Variants in DMRT1 observed in about 807,000 individuals in gnomAD.
The protein encoded by DMRT1 is doublesex- and mab-3-related transcription factor 1.
A neutral mutation model predicts 32.3 loss-of-function variants in DMRT1; 7 were observed. The observed-to-expected ratio is 0.22, with a 90% confidence interval of 0.12 to 0.41. The LOEUF (loss-of-function observed/expected upper bound fraction) is 0.41, where lower values mean the gene tolerates loss of function less well. DMRT1 is among the 10% of genes least tolerant of loss of function. The pLI, the probability that DMRT1 is intolerant of heterozygous loss-of-function variation, is 1.00. For missense variants in DMRT1, 625 were observed against 500.5 expected (o/e 1.25, Z -2.37); for synonymous variants, 278 against 206.1 (o/e 1.35, Z -2.99).
At chr9:911,899 T>C (rs952333087) in intron 3 of DMRT1, among the ~76,000 whole-genome samples, 1 of 152,200 alleles carries the variant, frequency 6.6e-6, no homozygotes, top group Non-Finnish European at 1.5e-5. Context: ...ATGGGTTGTT[T>C]GTGGATTCTT....
intron 3 of DMRT1, among the ~76,000 whole-genome samples, chr9:902,434 TG>T (rs1486336392): frequency 1.3e-5 from 2 of 151,768 alleles, no homozygotes; most frequent in East Asian, 3.9e-4. Context: ...TTAGCAATTA[TG>T]TGGACTTACA....
chr9:890,568 C>A (rs1817105635), intron 2 of DMRT1, among the ~76,000 whole-genome samples: 1 of 152,092 alleles, frequency 6.6e-6, no homozygotes, highest in African/African-American at 2.4e-5. Context: ...TAGTTTTGCC[C>A]TCTCCCTTGC....
chr9:913,458 C>T (rs1484516360), intron 3 of DMRT1, among the ~76,000 whole-genome samples: 1 of 152,056 alleles, frequency 6.6e-6, no homozygotes, highest in Admixed American at 6.5e-5. Context: ...TAGATGGCAA[C>T]AGACCCCTGA....
chr9:965,231 C>T lies in DMRT1; in HGVS notation c.968-2754C>T, dbSNP rs1819896073. ...ATGAGGGGCTATACTTAAACAGATA[C>T]TATCCCTAACTTCAACAGCCTATTA... is the stretch of plus-strand genomic sequence containing the variant. On this transcript the variant is annotated intron_variant, in intron 4 of 4. Transcript: ENST00000382276. The surrounding 1 kb of genome is among the most constrained non-coding windows in gnomAD (Gnocchi z 4.5). Among the ~76,000 whole-genome samples, 1 of 152,210 alleles carries T rather than the reference C, an allele frequency of 6.6e-6. No individual in the cohort carries two copies. The highest frequency in any genetic ancestry group is 2.4e-5 in the African/African-American group (1 of 41,456).
chr9:872,255 G>GT (rs1264148777), intron 2 of DMRT1, among the ~76,000 whole-genome samples: 1 of 151,954 alleles, frequency 6.6e-6, no homozygotes, highest in East Asian at 1.9e-4. Flanking sequence ...TAGAGATAGG[G>GT]TTTCACCATG....
At chr9:844,611 T>C (rs1480963784) in intron 1 of DMRT1, among the ~76,000 whole-genome samples, 3 of 152,190 alleles carry the variant, frequency 2.0e-5, no homozygotes, top group South Asian at 2.1e-4. Context: ...TCGAAGACTT[T>C]TTTTTGGCTA....
chr9:931,816 C>A (rs543376460), intron 4 of DMRT1, among the ~76,000 whole-genome samples: 29 of 152,312 alleles, frequency 1.9e-4, no homozygotes, highest in African/African-American at 6.3e-4. Flanking sequence ...GGAGCTAGGA[C>A]TTCAGTAGTT....
At chr9:846,559 A>G (rs536487299) in intron 1 of DMRT1, among the ~76,000 whole-genome samples, 2 of 152,074 alleles carry the variant, frequency 1.3e-5, no homozygotes, top group East Asian at 3.9e-4. Context: ...CTTATTCTAC[A>G]CAGTCATTTG....
chr9:848,032 T>C (rs1838979389), intron 2 of DMRT1, among the ~76,000 whole-genome samples: 1 of 152,212 alleles, frequency 6.6e-6, no homozygotes, highest in Non-Finnish European at 1.5e-5. Flanking sequence ...TAAAGACCTG[T>C]GGAATCTTGT....
intron 4 of DMRT1, among the ~76,000 whole-genome samples, chr9:967,336 G>T (rs1056371678): frequency 9.2e-5 from 14 of 152,028 alleles, no homozygotes; most frequent in Non-Finnish European, 2.9e-5. Flanking sequence ...ATGTTCCTAG[G>T]TTTGCTTTCA....
intron 3 of DMRT1, among the ~76,000 whole-genome samples, chr9:914,063 C>T (rs1468105429): frequency 6.6e-6 from 1 of 152,150 alleles, no homozygotes; most frequent in Non-Finnish European, 1.5e-5. Context: ...TTCATATGCG[C>T]ATTGAGAGCT....
chr9:931,919 T>A (rs1183277310), intron 4 of DMRT1, among the ~76,000 whole-genome samples: 1 of 152,176 alleles, frequency 6.6e-6, no homozygotes, highest in Non-Finnish European at 1.5e-5. Flanking sequence ...GGTCGGTGTG[T>A]GTAAAATGAA....
chr9:843,310 C>T (rs889156746), intron 1 of DMRT1, among the ~76,000 whole-genome samples: 2 of 152,372 alleles, frequency 1.3e-5, no homozygotes, highest in African/African-American at 2.4e-5. Flanking sequence ...TGCGCGGTTT[C>T]CCTGCGCGCC....
At chr9:890,899 A>T (rs1564227571) in intron 2 of DMRT1, among the ~76,000 whole-genome samples, 2 of 146,062 alleles carry the variant, frequency 1.4e-5, no homozygotes, top group African/African-American at 5.0e-5. Flanking sequence ...TTTTTTTTGT[A>T]TTTTTTTTTT....
chr9:894,276 G>C lies in DMRT1; in HGVS notation c.822+81G>C, dbSNP rs141804132. On this transcript the variant is annotated intron_variant, in intron 3 of 4. Coordinates refer to ENST00000382276, the MANE Select transcript of DMRT1 (RefSeq NM_021951.3). ...GCACACACATGCACATACACACAGA[G>C]GCACACACGCACTTGTGCGCCCAGA... The C allele has an allele frequency of 3.6e-5, 53 of 1,471,970 alleles. No homozygotes were observed. The African/African-American group carries it at 6.1e-4, about 17-fold the overall frequency. The allele number at this position is 1,471,970 out of a possible 1,614,324, so 91.2% of individuals were successfully genotyped here. A position where few individuals can be genotyped will look rare whatever the true frequency, so the allele number is the denominator to read the frequency against.
At chr9:852,308 A>G (rs1369836625) in intron 2 of DMRT1, among the ~76,000 whole-genome samples, 7 of 151,990 alleles carry the variant, frequency 4.6e-5, no homozygotes, top group Admixed American at 1.3e-4. Context: ...AAAAAAGATA[A>G]ATGATTTTGA....
chr9:899,932 T>A (rs1404455247), intron 3 of DMRT1, among the ~76,000 whole-genome samples: 7 of 152,240 alleles, frequency 4.6e-5, no homozygotes, highest in Non-Finnish European at 5.9e-5. Flanking sequence ...ATGGCAGCAC[T>A]GGCAGTTATT....
At position 889,107 on chromosome 9, in the gene DMRT1, T is replaced by A. The variant is rs138254979; in HGVS notation, c.539-4805T>A. 6.0e-3 allele frequency among the ~76,000 whole-genome samples: 911 copies of A among 152,302 alleles called. 5 individuals carry two copies. Among genetic ancestry groups the A allele is most frequent in the Admixed American group, 0.01 (153 of 15,292 alleles). ...CGTTCCCAGGTAATGCTGATGCTAC[T>A]GATTCAGGGACCACACTGTGCGAAC... On this transcript the variant is annotated intron_variant, in intron 2 of 4. Transcript: ENST00000382276.
chr9:929,305 T>G (rs1818631062), intron 4 of DMRT1, among the ~76,000 whole-genome samples: 1 of 152,176 alleles, frequency 6.6e-6, no homozygotes, highest in Non-Finnish European at 1.5e-5. Flanking sequence ...TTCAGTTTTT[T>G]TCTTTTTTTG....
Sources: gnomAD v4.1 joint callset for allele counts (sites outside exome capture counted in the v4.1 genomes callset) on GRCh38, gnomAD v4.1.1 for gene constraint, Gnocchi (gnomAD v3.1) non-coding constraint, MANE v1.5 for transcripts, NCBI Gene and HGNC (gene_info 2026-07-23, HGNC 2026-07-21) for gene names.